The following GPC5 variants were observed in gnomAD, a reference collection of about 807,000 sequenced individuals.
GPC5 encodes the protein glypican 5.
A neutral mutation model predicts 53.9 loss-of-function variants in GPC5; 47 were observed. The observed-to-expected ratio is 0.87, with a 90% CI of 0.69 to 1.11. The LOEUF (loss-of-function observed/expected upper bound fraction) is 1.11. GPC5 is among the 50% of genes most tolerant of loss of function. The pLI is 0.00. For missense variants in GPC5, 748 were observed against 713.1 expected, an observed-to-expected ratio of 1.05 and a Z score of -0.56; for synonymous variants, 286 against 263.3, an observed-to-expected ratio of 1.09 and a Z score of -0.84.
chr13:92,351,118 T>C (rs1373265701), intron 7 of GPC5, among the ~76,000 whole-genome samples: 1 of 151,916 alleles, frequency 6.6e-6, no homozygotes, highest in African/African-American at 2.4e-5. Flanking sequence ...AATCAGTTTT[T>C]ATTTTCTATT....
chr13:92,202,330 C>T (rs997106453), intron 7 of GPC5, among the ~76,000 whole-genome samples: 10 of 152,076 alleles, frequency 6.6e-5, no homozygotes, highest in Admixed American at 6.6e-4. Flanking sequence ...TTTTCTTAAC[C>T]TTCAAAGTGT....
At chr13:91,725,451 A>G (rs1215497983) in intron 3 of GPC5, among the ~76,000 whole-genome samples, 1 of 152,176 alleles carries the variant, frequency 6.6e-6, no homozygotes, top group Non-Finnish European at 1.5e-5. Flanking sequence ...GTGACAGGGT[A>G]GTGTCCTGAT....
rs144011150 is a variant in GPC5, at chr13:91,516,239, G to T, written c.325+67317G>T. 2.0e-5 allele frequency among the ~76,000 whole-genome samples: 3 copies of T among 152,266 alleles called. No individual in the cohort carries two copies. In the East Asian group the frequency reaches 5.8e-4, roughly 29 times the overall value. Reference sequence around the variant, plus strand: ...AGTCCAAAGTCTCATCTGAGAGAAGGCAAGTCTCTTCTGCCTATGAGTCTG... The same window carrying T: ...AGTCCAAAGTCTCATCTGAGAGAAGTCAAGTCTCTTCTGCCTATGAGTCTG... On this transcript the variant is annotated intron_variant, in intron 2 of 7. Coordinates refer to ENST00000377067, the MANE Select transcript of GPC5 (RefSeq NM_004466.6).
chr13:92,204,965 G>A (rs987330190), intron 7 of GPC5, among the ~76,000 whole-genome samples: 5 of 151,806 alleles, frequency 3.3e-5, no homozygotes, highest in Non-Finnish European at 7.4e-5. Context: ...TGCAATCTCC[G>A]CCTCCTGGGT....
chr13:92,745,901 C>T (rs1284785544), intron 7 of GPC5, among the ~76,000 whole-genome samples: 2 of 152,048 alleles, frequency 1.3e-5, no homozygotes, highest in Non-Finnish European at 2.9e-5. Flanking sequence ...TATTGGATAA[C>T]ATGATTTATT....
intron 7 of GPC5, among the ~76,000 whole-genome samples, chr13:92,376,348 A>C (rs1594144725): frequency 6.6e-6 from 1 of 152,250 alleles, no homozygotes; most frequent in South Asian, 2.1e-4. Flanking sequence ...CATGTCATCA[A>C]TTTTTGCATG....
At chr13:91,682,008 T>C (rs1193530106) in intron 2 of GPC5, among the ~76,000 whole-genome samples, 1 of 152,134 alleles carries the variant, frequency 6.6e-6, no homozygotes, top group Non-Finnish European at 1.5e-5. Context: ...TGTCAGACTA[T>C]TTAGAAAATG....
At chr13:92,670,098 G>T (rs554238881) in intron 7 of GPC5, among the ~76,000 whole-genome samples, 4 of 152,244 alleles carry the variant, frequency 2.6e-5, no homozygotes, top group African/African-American at 9.6e-5. Flanking sequence ...CATATGGCTG[G>T]AACTCACTGA....
Position 92,074,209 on chromosome 13 carries a change from C to T in GPC5, c.1402-70621C>T, listed in dbSNP as rs78730123. 1.5e-4 allele frequency among the ~76,000 whole-genome samples: 23 copies of T among 152,052 alleles called. No homozygotes were observed. The East Asian group carries it at 3.5e-3, about 23-fold the overall frequency. ...AGAGAGCAAGAGTGGACAACCTGCA[C>T]GAAGTTGAGCTATGTAAACAATGGG... On this transcript the variant is annotated intron_variant, in intron 6 of 7. Transcript: ENST00000377067.
At chr13:92,866,174 A>G (rs1879326485) in intron 7 of GPC5, 108 bp from the exon 8 acceptor site, 2 of 851,894 alleles carry the variant, frequency 2.3e-6, no homozygotes, top group Admixed American at 6.0e-5. Flanking sequence ...AACATAGAGA[A>G]TGGTCCCCAA....
At chr13:91,964,229 A>G (rs1351177049) in intron 6 of GPC5, among the ~76,000 whole-genome samples, 2 of 152,176 alleles carry the variant, frequency 1.3e-5, no homozygotes, top group Non-Finnish European at 2.9e-5. Flanking sequence ...CCAAAGAGTG[A>G]GCAGCAGCAA....
chr13:92,424,128 A>G (rs1876715210), intron 7 of GPC5, among the ~76,000 whole-genome samples: 1 of 152,160 alleles, frequency 6.6e-6, no homozygotes, highest in African/African-American at 2.4e-5. Flanking sequence ...AGAAATGATC[A>G]TGCCTTTAAC....
At position 92,655,253 on chromosome 13, in the gene GPC5, G is replaced by A. The variant is rs564696005; in HGVS notation, c.1562-211029G>A. On this transcript the variant is annotated intron_variant, in intron 7 of 7. Coordinates refer to ENST00000377067, the MANE Select transcript of GPC5 (RefSeq NM_004466.6). ...AGTACCAAATCTGTTCTCATCCACC[G>A]GCAAACATTTTTTGTAATATTCTGG... 6.6e-5 allele frequency among the ~76,000 whole-genome samples: 10 copies of A among 151,966 alleles called. No homozygotes were observed. In the East Asian group the frequency reaches 7.7e-4, roughly 12 times the overall value.
chr13:92,844,436 A>C (rs185900050), intron 7 of GPC5, among the ~76,000 whole-genome samples: 29 of 152,178 alleles, frequency 1.9e-4, no homozygotes, highest in Non-Finnish European at 3.8e-4. Flanking sequence ...GATAGATATA[A>C]AGGAAATCTG....
At chr13:91,562,188 TAAAAAAAAAAA>T (rs10603242) in intron 2 of GPC5, among the ~76,000 whole-genome samples, 6 of 45,058 alleles carry the variant, frequency 1.3e-4, no homozygotes, top group Admixed American at 3.4e-4. Flanking sequence ...GGAGCAACAG[TAAAAAAAAAAA>T]AAAAAAAAAA....
intron 2 of GPC5, among the ~76,000 whole-genome samples, chr13:91,466,907 CA>C (rs1882274873): frequency 6.6e-6 from 1 of 152,092 alleles, no homozygotes; most frequent in African/African-American, 2.4e-5. Context: ...ATTCCTTCAT[CA>C]GTGTTTATTT....
At chr13:91,837,355 A>G (rs2038732913) in intron 5 of GPC5, among the ~76,000 whole-genome samples, 1 of 152,092 alleles carries the variant, frequency 6.6e-6, no homozygotes, top group African/African-American at 2.4e-5. Context: ...CTGAATGACA[A>G]TATGGGTCAA....
intron 2 of GPC5, among the ~76,000 whole-genome samples, chr13:91,551,005 G>A (rs1594241532): frequency 6.6e-6 from 1 of 152,110 alleles, no homozygotes; most frequent in Non-Finnish European, 1.5e-5. Context: ...TCTTGAGTGT[G>A]TCTTTATTAG....
chr13:92,361,317 G>T (rs754981765), intron 7 of GPC5, among the ~76,000 whole-genome samples: 18 of 151,650 alleles, frequency 1.2e-4, no homozygotes, highest in Non-Finnish European at 2.4e-4. Context: ...ACCTAACTTT[G>T]ACTTCTATCT....
Sources: gnomAD v4.1 joint callset for allele counts (sites outside exome capture counted in the v4.1 genomes callset) on GRCh38, gnomAD v4.1.1 for gene constraint, MANE v1.5 for transcripts, NCBI Gene and HGNC (gene_info 2026-07-23, HGNC 2026-07-21) for gene names.